The following HAUS8 variants were observed in gnomAD, a reference collection of about 807,000 sequenced individuals.
The protein encoded by HAUS8 is HAUS augmin like complex subunit 8, also known as HAUS augmin-like complex subunit 8.
In HAUS8, 38 loss-of-function variants were observed where a neutral mutation model predicts 42.9. The ratio of observed to expected loss-of-function variants is 0.89; its 90% CI spans 0.68 to 1.16. HAUS8 has a LOEUF of 1.16. HAUS8 is among the 50% of genes most tolerant of loss of function. HAUS8 has a pLI of 0.00. For synonymous variants in HAUS8, 199 were observed against 205.8 expected, an observed-to-expected ratio of 0.97 and a Z score of 0.28; for missense variants, 494 against 511.6, an observed-to-expected ratio of 0.97 and a Z score of 0.33.
chr19:17,073,555 A>G, intron 1 of HAUS8: 1 of 580,924 alleles, frequency 1.7e-6, no homozygotes, highest in East Asian at 2.9e-5. Context: ...CCAAACTGAG[A>G]AGAGAGGAGG....
In HAUS8 at chr19:17,064,487, T is replaced by C. The variant is rs553908543; in HGVS notation, c.148-1708A>G. On this transcript the variant is annotated intron_variant, in intron 3 of 10. Transcript: ENST00000253669. ...CTCAGGACTTAGTGCAAAGCTACAG[T>C]AACCTCAGCAGTGTGGAACTAGCAT... 2.0e-5 allele frequency among the ~76,000 whole-genome samples: 3 copies of C among 152,280 alleles called. No individual in the cohort carries two copies. In the South Asian group the frequency reaches 6.2e-4, roughly 32 times the overall value.
At chr19:17,069,541 C>A (rs1306309159) in intron 2 of HAUS8, among the ~76,000 whole-genome samples, 2 of 151,098 alleles carry the variant, frequency 1.3e-5, no homozygotes, top group Admixed American at 1.3e-4. Context: ...CAGTTTGGGA[C>A]CCCCTGCCCT....
In HAUS8 at chr19:17,062,776, G is replaced by C. The variant is rs1461759676; in HGVS notation, c.151C>G (p.Pro51Ala). The change falls in exon 4 of 11, where the codon CCT becomes GCT. Residue 51 changes from proline to alanine, a missense_variant. Pro to Ala is a conservative substitution (Grantham distance 27). Transcript: ENST00000253669. ...QYEKKTTQKA[P>A]AGDGSQTRGK... ...CGGGTCTGTGACCCATCTCCTGCAG[G>C]AGCCTGTTATGGGAACACATGACAC... The C allele has an allele frequency of 6.2e-7, 1 of 1,613,074 alleles. No individual in the cohort carries two copies. Among genetic ancestry groups the C allele is most frequent in the South Asian group, 1.1e-5 (1 of 91,060 alleles).
intron 2 of HAUS8, among the ~76,000 whole-genome samples, chr19:17,070,827 T>C (rs2057417256): frequency 6.6e-6 from 1 of 152,200 alleles, no homozygotes; most frequent in Non-Finnish European, 1.5e-5. Context: ...CCCAGCACTT[T>C]GGGAGGCCAA....
chr19:17,055,305 A>C, intron 9 of HAUS8, among the ~76,000 whole-genome samples: 1 of 119,886 alleles, frequency 8.3e-6, no homozygotes, highest in Non-Finnish European at 1.6e-5. Context: ...GTGCCACTGC[A>C]CTCCAGCCTG....
intron 8 of HAUS8, among the ~76,000 whole-genome samples, chr19:17,056,974 G>C (rs1385038414): frequency 6.6e-6 from 1 of 152,150 alleles, no homozygotes; most frequent in African/African-American, 2.4e-5. Flanking sequence ...CCACCTCCCA[G>C]GGTCAAGCAA....
chr19:17,049,897 A>C lies in HAUS8; in HGVS notation c.1209T>G (p.Ser403=). The C allele has an allele frequency of 6.8e-7, 1 of 1,479,752 alleles. No homozygotes were observed. Among genetic ancestry groups the C allele is most frequent in the Non-Finnish European group, 9.0e-7 (1 of 1,111,112 alleles). 91.7% of individuals were successfully genotyped at this position (1,479,752 alleles called of 1,614,324 possible). ...SSQAEVPPSL[S]RSGRDLS ...GTCATGACAAGTCCCTCCCTGAACGAGAGAGAGAGGGCGGGACTTCTGCCT... is the reference window on the plus strand; with the variant it reads ...GTCATGACAAGTCCCTCCCTGAACGCGAGAGAGAGGGCGGGACTTCTGCCT... The change falls in exon 11 of 11, where the codon TCT becomes TCG. Residue 403 remains serine (S), a synonymous_variant. Coordinates refer to ENST00000253669, the MANE Select transcript of HAUS8 (RefSeq NM_033417.2).
intron 10 of HAUS8, chr19:17,051,657 T>C (rs764543841): frequency 7.0e-6 from 1 of 141,908 alleles, no homozygotes; most frequent in African/African-American, 2.5e-5. Flanking sequence ...AGAACTTCCA[T>C]AGATTTTTTT....
chr19:17,058,902 AATTCCTGAT>A (rs2057342831), intron 6 of HAUS8, 26 bp from the exon 7 acceptor site: 1 of 1,581,730 alleles, frequency 6.3e-7, no homozygotes, highest in African/African-American at 1.4e-5. Flanking sequence ...AGACCCTCTC[AATTCCTGAT>A]GAAGTGGTAT....
chr19:17,068,512 A>T (rs1371615749), intron 3 of HAUS8, among the ~76,000 whole-genome samples: 2 of 152,178 alleles, frequency 1.3e-5, no homozygotes, highest in Admixed American at 6.5e-5. Flanking sequence ...CACACTTGTA[A>T]TCCCAACATT....
intron 9 of HAUS8, chr19:17,055,132 AAAAAAAAAAAAATATATATATATATATAT>A (rs1568634788): frequency 1.6e-4 from 6 of 37,184 alleles, no homozygotes; most frequent in African/African-American, 3.3e-4. Flanking sequence ...AAAAAAAAAA[AAAAAAAAAAAAATATATATATATATATAT>A]ATATATATAT....
At position 17,058,615 on chromosome 19, in the gene HAUS8, G is replaced by A. The variant is rs570924940; in HGVS notation, c.579C>T (p.His193=). The change falls in exon 8 of 11, where the codon CAC becomes CAT. Residue 193 remains histidine (H), a synonymous_variant. Transcript: ENST00000253669. ...AGAGGAGAAGCCTGCGCTTCAGCTC[G>A]TGGGCCTTTTTCTGTAGCTTCTCCT... ...KEKEKLQKKA[H]ELKRRLLLSQ... is the part of the protein sequence containing the mutation. 2.0e-5 allele frequency: 33 copies of A among 1,613,656 alleles called. No individual in the cohort carries two copies. In the East Asian group the frequency reaches 2.2e-4, roughly 11 times the overall value.
rs747503889 is a variant in HAUS8, at chr19:17,052,828, C to A, written c.926G>T (p.Arg309Leu). ...CTTAAAGCATTTTCCGAGGTACCTT[C>A]GGAGCTCAAGGTCCTTTTTCGCCGT... ...DVTAKKDLEL[R>L]RSFAQVLELS... Residue 309 changes from arginine (R) to leucine (L), a missense_variant, in exon 10 of 11, where the codon CGA (arginine) becomes CTA (leucine). By Grantham distance (102) the Arg-to-Leu change is moderately radical. Coordinates refer to ENST00000253669, the MANE Select transcript of HAUS8 (RefSeq NM_033417.2). 10 of 1,614,058 alleles carry A rather than the reference C, an allele frequency of 6.2e-6. No individual in the cohort carries two copies. Among genetic ancestry groups the A allele is most frequent in the Non-Finnish European group, 8.5e-6 (10 of 1,180,040 alleles).
chr19:17,052,815 T>C lies in HAUS8; in HGVS notation c.929+10A>G. 1 of 1,614,160 alleles carries C rather than the reference T, an allele frequency of 6.2e-7. No individual in the cohort carries two copies. Among genetic ancestry groups the C allele is most frequent in the Non-Finnish European group, 8.5e-7 (1 of 1,180,014 alleles). On this transcript the variant is annotated intron_variant, in intron 10 of 10. Transcript: ENST00000253669. ...GTGCCACCTCTTTCTTAAAGCATTTTCCGAGGTACCTTCGGAGCTCAAGGT... is the reference window on the plus strand; with the variant it reads ...GTGCCACCTCTTTCTTAAAGCATTTCCCGAGGTACCTTCGGAGCTCAAGGT...
chr19:17,068,397 G>A (rs1204404513), intron 3 of HAUS8, among the ~76,000 whole-genome samples: 1 of 152,092 alleles, frequency 6.6e-6, no homozygotes, highest in Non-Finnish European at 1.5e-5. Context: ...TTAAATACCA[G>A]CCAGACACCA....
At chr19:17,073,367 C>T (rs1015086605) in intron 1 of HAUS8, 32 bp from the exon 2 acceptor site, 7 of 1,605,000 alleles carry the variant, frequency 4.4e-6, no homozygotes, top group African/African-American at 2.7e-5. Context: ...TCTTGTTCAC[C>T]TCACTACCCA....
At chr19:17,071,292 G>T (rs1361460560) in intron 2 of HAUS8, among the ~76,000 whole-genome samples, 1 of 152,208 alleles carries the variant, frequency 6.6e-6, no homozygotes, top group African/African-American at 2.4e-5. Context: ...TACCCTCAGA[G>T]TTAACAAGGA....
At chr19:17,075,523 G>A (rs1275561485), upstream of HAUS8, 5 of 1,317,204 alleles carry the variant, frequency 3.8e-6, no homozygotes, top group South Asian at 3.6e-5. Flanking sequence ...CAGGAGGGGT[G>A]GCTGCGAGGC....
chr19:17,064,572 T>C (rs1008820600), intron 3 of HAUS8, among the ~76,000 whole-genome samples: 1 of 152,160 alleles, frequency 6.6e-6, no homozygotes, highest in Non-Finnish European at 1.5e-5. Flanking sequence ...TGCACATACA[T>C]GGTCAACTGG....
Sources: gnomAD v4.1 joint callset for allele counts (sites outside exome capture counted in the v4.1 genomes callset) on GRCh38, gnomAD v4.1.1 for gene constraint, MANE v1.5 for transcripts, NCBI Gene and HGNC (gene_info 2026-07-23, HGNC 2026-07-21) for gene names.